The following ANP32E variants were observed in gnomAD, a reference collection of about 807,000 sequenced individuals.
ANP32E encodes the protein acidic nuclear phosphoprotein 32 family member E.
Under a neutral mutation model 35.3 loss-of-function variants are expected in ANP32E, and 14 were observed. The ratio of observed to expected loss-of-function variants is 0.40; its 90% CI spans 0.26 to 0.62. The LOEUF (loss-of-function observed/expected upper bound fraction) is 0.62, where lower values mean the gene tolerates loss of function less well. Ranked by LOEUF, ANP32E falls within the 20% of genes least tolerant of loss-of-function variation. ANP32E has a pLI of 0.45. For synonymous variants in ANP32E, 89 were observed against 110.4 expected, an observed-to-expected ratio of 0.81 and a Z score of 1.22; for missense variants, 198 against 304.4, an observed-to-expected ratio of 0.65 and a Z score of 2.60.
At position 150,235,889 on chromosome 1, in the gene ANP32E, G is replaced by T; in HGVS notation, c.-103C>A. 2.5e-6 allele frequency: 2 copies of T among 802,970 alleles called. No homozygotes were observed. The highest frequency in any genetic ancestry group is 2.1e-6 in the Non-Finnish European group (1 of 485,354). 49.7% of individuals were successfully genotyped at this position (802,970 alleles called of 1,614,324 possible). On this transcript the variant is annotated 5_prime_UTR_variant, in exon 1 of 7. Coordinates refer to ENST00000583931, the MANE Select transcript of ANP32E (RefSeq NM_030920.5). This position sits in a 1 kb window ranked among gnomAD's most constrained non-coding sequence, Gnocchi z 4.2. ...AAGAGATTTAGAAATGAATGAAAAG[G>T]AACGCAAATATAAACGCCCACTACC...
Position 150,226,811 on chromosome 1 carries a change from T to C in ANP32E, c.494-16A>G. 6.3e-7 allele frequency: 1 copy of C among 1,594,050 alleles called. No individual in the cohort carries two copies. Reference sequence around the variant, plus strand: ...TCATCGCCATCTTTAAAAAATCATTTAAAGATGAGTAAATGACTGGGTAAA... The same window carrying C: ...TCATCGCCATCTTTAAAAAATCATTCAAAGATGAGTAAATGACTGGGTAAA... On this transcript the variant is annotated splice_polypyrimidine_tract_variant and intron_variant, in intron 4 of 6. Transcript: ENST00000583931.
intron 5 of ANP32E, among the ~76,000 whole-genome samples, chr1:150,225,097 T>C (rs887862865): frequency 3.3e-5 from 5 of 152,138 alleles, no homozygotes; most frequent in Non-Finnish European, 7.3e-5. Context: ...AGAAAAAATA[T>C]AGAGAGCTTC....
At chr1:150,222,098 GAAATAAAATAAAATA>G (rs56336280) in intron 6 of ANP32E, among the ~76,000 whole-genome samples, 3,426 of 147,662 alleles carry the variant, frequency 0.023, 124 homozygotes, top group African/African-American at 0.078. Context: ...ACAATAAAAT[GAAATAAAATAAAATA>G]AAATAAAATA....
chr1:150,224,551 C>T (rs1572013170), intron 5 of ANP32E, among the ~76,000 whole-genome samples: 1 of 145,356 alleles, frequency 6.9e-6, no homozygotes, highest in African/African-American at 2.6e-5. Context: ...CCAGCCTGGG[C>T]GACAAGAACG....
In ANP32E at chr1:150,230,664, T is replaced by C; in HGVS notation, c.234A>G (p.Gly78=). Residue 78 remains glycine, a synonymous_variant, in exon 3 of 7, where the codon GGA becomes GGG. Coordinates refer to ENST00000583931, the MANE Select transcript of ANP32E (RefSeq NM_030920.5). ...ATTTCTCTGCCAGGACTTCCAAGCC[T>C]CCAGAAATTATATTATCACTAAGCT... ...KLELSDNIIS[G]GLEVLAEKCP... 1 of 1,612,710 alleles carries C rather than the reference T, an allele frequency of 6.2e-7. No homozygotes were observed. The highest frequency in any genetic ancestry group is 8.5e-7 in the Non-Finnish European group (1 of 1,179,486).
At chr1:150,233,058 A>G (rs941881220) in intron 1 of ANP32E, among the ~76,000 whole-genome samples, 6 of 151,924 alleles carry the variant, frequency 3.9e-5, no homozygotes, top group Non-Finnish European at 7.4e-5. Flanking sequence ...TGAGGTTAGG[A>G]GATCAAGACA....
rs1340979350 is a variant in ANP32E at position 150,219,604 on chromosome 1, C to T, written c.*1087G>A. On this transcript the variant is annotated 3_prime_UTR_variant, in exon 7 of 7. Coordinates refer to ENST00000583931, the MANE Select transcript of ANP32E (RefSeq NM_030920.5). Reference sequence around the variant, plus strand: ...TTAATATATCAACAGGCAATTGTTCCGACTTTTGAGGAACACTAACACTGC... The same window carrying T: ...TTAATATATCAACAGGCAATTGTTCTGACTTTTGAGGAACACTAACACTGC... 1.3e-5 allele frequency: 2 copies of T among 152,088 alleles called. No individual in the cohort carries two copies. Among genetic ancestry groups the T allele is most frequent in the Non-Finnish European group, 2.9e-5 (2 of 68,020 alleles). 9.4% of individuals were successfully genotyped at this position (152,088 alleles called of 1,614,324 possible).
Position 150,235,686 on chromosome 1 carries a change from C to T in ANP32E, c.54+47G>A, listed in dbSNP as rs782195718. On this transcript the variant is annotated intron_variant, in intron 1 of 6. Coordinates refer to ENST00000583931, the MANE Select transcript of ANP32E (RefSeq NM_030920.5). The surrounding 1 kb of genome is among the most constrained non-coding windows in gnomAD (Gnocchi z 4.2). ...CCAGGACCACCAGAAATCCGATCCT[C>T]AGAATACTGGACTGATGGGGAAGCG... 7 of 1,610,962 alleles carry T rather than the reference C, an allele frequency of 4.3e-6. No individual in the cohort carries two copies. In the South Asian group the frequency reaches 7.7e-5, roughly 18 times the overall value.
rs1648265385 is a variant in ANP32E at position 150,220,618 on chromosome 1, T to C, written c.*73A>G. The C allele has an allele frequency of 1.5e-6, 2 of 1,355,572 alleles. No homozygotes were observed. The highest frequency in any genetic ancestry group is 3.4e-5 in the Admixed American group (2 of 58,492). 84.0% of individuals were successfully genotyped at this position (1,355,572 alleles called of 1,614,324 possible). ...TTATCTTCTGTAGGGATAGCTATCGTACATGAAGAAACAAAGATGTGATCA... is the reference window on the plus strand; with the variant it reads ...TTATCTTCTGTAGGGATAGCTATCGCACATGAAGAAACAAAGATGTGATCA... On this transcript the variant is annotated 3_prime_UTR_variant, in exon 7 of 7. Coordinates refer to ENST00000583931, the MANE Select transcript of ANP32E (RefSeq NM_030920.5).
At chr1:150,224,721 C>T (rs1648730429) in intron 5 of ANP32E, among the ~76,000 whole-genome samples, 1 of 152,062 alleles carries the variant, frequency 6.6e-6, no homozygotes, top group African/African-American at 2.4e-5. Context: ...TATTATGTAT[C>T]TAACCAATGC....
chr1:150,226,515 C>A, intron 5 of ANP32E, 93 bp downstream of exon 5: 1 of 1,474,324 alleles, frequency 6.8e-7, no homozygotes. Flanking sequence ...AACTTAGAAA[C>A]AACTCTCAGA....
At chr1:150,230,042 T>C (rs1414635383) in intron 3 of ANP32E, among the ~76,000 whole-genome samples, 1 of 152,148 alleles carries the variant, frequency 6.6e-6, no homozygotes, top group African/African-American at 2.4e-5. Flanking sequence ...TAATTTTTAT[T>C]TTTTATTTTT....
At chr1:150,227,348 G>A (rs1294775094) in intron 4 of ANP32E, among the ~76,000 whole-genome samples, 11 of 152,100 alleles carry the variant, frequency 7.2e-5, no homozygotes, top group Admixed American at 1.3e-4. Flanking sequence ...AACCAACCTA[G>A]GTGCCCATCA....
chr1:150,221,379 C>T (rs1430178664), intron 6 of ANP32E, among the ~76,000 whole-genome samples: 1 of 148,834 alleles, frequency 6.7e-6, no homozygotes, highest in Non-Finnish European at 1.5e-5. Context: ...GCAGAGGCTG[C>T]AGTGAGCCGA....
chr1:150,223,422 T>A (rs1336099418), intron 5 of ANP32E, 182 bp from the exon 6 acceptor site: 3 of 690,570 alleles, frequency 4.3e-6, no homozygotes, highest in Non-Finnish European at 6.8e-6. Flanking sequence ...GGCTCACGCC[T>A]GTAATCCCAG....
chr1:150,231,354 G>T (rs1349345074), intron 2 of ANP32E, among the ~76,000 whole-genome samples: 2 of 152,130 alleles, frequency 1.3e-5, no homozygotes, highest in Non-Finnish European at 2.9e-5. Flanking sequence ...CAGCACTGTG[G>T]GAGGCCGAGG....
chr1:150,226,757 C>CTTCATT lies in ANP32E; in HGVS notation c.526_531dup (p.Asn176_Glu177dup). The CTTCATT allele has an allele frequency of 6.3e-7, 1 of 1,598,764 alleles. No homozygotes were observed. The highest frequency in any genetic ancestry group is 1.1e-5 in the South Asian group (1 of 90,236). On this transcript the variant is annotated inframe_insertion, in exon 5 of 7. Coordinates refer to ENST00000583931, the MANE Select transcript of ANP32E (RefSeq NM_030920.5). The stretch of plus-strand genomic sequence containing the variant: ...TCCTCATATCCTTCCGGTGGACCAG[C>CTTCATT]TTCATTTTCCTCTTCCTCTTCATCA...
chr1:150,225,506 CA>C (rs1259323922), intron 5 of ANP32E, among the ~76,000 whole-genome samples: 2 of 150,948 alleles, frequency 1.3e-5, no homozygotes, highest in Non-Finnish European at 3.0e-5. Context: ...CCTGTCTCTA[CA>C]AAAAAATACA....
At chr1:150,223,671 G>A (rs1475795676) in intron 5 of ANP32E, among the ~76,000 whole-genome samples, 1 of 126,988 alleles carries the variant, frequency 7.9e-6, no homozygotes, top group Non-Finnish European at 1.6e-5. Flanking sequence ...AAAAGAGCAA[G>A]GCTTCATCTC....
Sources: allele counts gnomAD v4.1 joint callset (sites outside exome capture counted in the v4.1 genomes callset), GRCh38; gene constraint gnomAD v4.1.1; non-coding constraint Gnocchi (gnomAD v3.1); transcripts MANE v1.5; gene names NCBI Gene and HGNC (gene_info 2026-07-23, HGNC 2026-07-21).